The following BIRC5 variants were observed in gnomAD, a reference collection of about 807,000 sequenced individuals.
BIRC5 encodes baculoviral IAP repeat-containing protein 5.
In BIRC5, 8 loss-of-function variants were observed where a neutral mutation model predicts 15.8. The ratio of observed to expected loss-of-function variants is 0.51; its 90% CI spans 0.30 to 0.91. BIRC5 has a LOEUF of 0.91. BIRC5 is among the 40% of genes least tolerant of loss of function. The pLI is 0.07. For missense variants in BIRC5, 163 were observed against 178.6 expected, an observed-to-expected ratio of 0.91 and a Z score of 0.50; for synonymous variants, 56 against 64.5, an observed-to-expected ratio of 0.87 and a Z score of 0.63.
intron 3 of BIRC5, among the ~76,000 whole-genome samples, chr17:78,217,320 C>G (rs775598016): frequency 2.7e-5 from 4 of 149,104 alleles, no homozygotes; most frequent in Admixed American, 6.7e-5. Flanking sequence ...AGATTACAGG[C>G]ATGTGCCACC....
intron 2 of BIRC5, chr17:78,215,945 C>T: frequency 9.4e-7 from 1 of 1,066,200 alleles, no homozygotes; most frequent in African/African-American, 1.7e-5. Flanking sequence ...TAATGCCCTT[C>T]TCTGCCCTTA....
At chr17:78,222,071 C>T (rs1353266145) in intron 3 of BIRC5, among the ~76,000 whole-genome samples, 5 of 151,970 alleles carry the variant, frequency 3.3e-5, no homozygotes, top group East Asian at 3.9e-4. Context: ...CATGGTGGCA[C>T]GTGCCTGTAG....
At chr17:78,217,538 C>T (rs1344469591) in intron 3 of BIRC5, among the ~76,000 whole-genome samples, 4 of 151,596 alleles carry the variant, frequency 2.6e-5, no homozygotes, top group Non-Finnish European at 5.9e-5. Flanking sequence ...GCTCTGTCGC[C>T]CAGGCTAGAG....
intron 2 of BIRC5, chr17:78,215,865 T>G: frequency 1.9e-6 from 2 of 1,061,800 alleles, no homozygotes; most frequent in African/African-American, 3.4e-5. Flanking sequence ...GATAGTCAGT[T>G]ATACAGGGAG....
chr17:78,224,092 T>C lies in BIRC5; in HGVS notation c.*538T>C, dbSNP rs1274849133. Reference sequence around the variant, plus strand: ...TTTTTTTTTTTGGTAGATGCATGACTTGTGTGTGATGAGAGAATGGAGACA... The same window carrying C: ...TTTTTTTTTTTGGTAGATGCATGACCTGTGTGTGATGAGAGAATGGAGACA... On this transcript the variant is annotated 3_prime_UTR_variant, in exon 4 of 4. Transcript: ENST00000350051. The C allele has an allele frequency of 1.3e-5, 2 of 152,068 alleles. No homozygotes were observed. The highest frequency in any genetic ancestry group is 2.9e-5 in the Non-Finnish European group (2 of 68,654). The allele number at this position is 152,068 out of a possible 1,614,324, so 9.4% of individuals were successfully genotyped here.
At chr17:78,218,097 C>T (rs1333492653) in intron 3 of BIRC5, among the ~76,000 whole-genome samples, 1 of 151,746 alleles carries the variant, frequency 6.6e-6, no homozygotes, top group Non-Finnish European at 1.5e-5. Flanking sequence ...AGGCATGAGC[C>T]ACCGTGCCCA....
intron 3 of BIRC5, among the ~76,000 whole-genome samples, chr17:78,220,083 G>A (rs1474948032): frequency 6.6e-6 from 1 of 150,716 alleles, no homozygotes; most frequent in African/African-American, 2.4e-5. Flanking sequence ...GGATGAAGAT[G>A]CAGTCTGGTA....
In BIRC5 at chr17:78,223,980, G is replaced by T; in HGVS notation, c.*426G>T. On this transcript the variant is annotated 3_prime_UTR_variant, in exon 4 of 4. Coordinates refer to ENST00000350051, the MANE Select transcript of BIRC5 (RefSeq NM_001168.3). ...AGTCCTGAGTGTGGACTTGGCAGGT[G>T]CCTGTTGAATCTGAGCTGCAGGTTC... 1 of 197,718 alleles carries T rather than the reference G, an allele frequency of 5.1e-6. No individual in the cohort carries two copies. The highest frequency in any genetic ancestry group is 1.0e-5 in the Non-Finnish European group (1 of 98,332). 12.2% of individuals were successfully genotyped at this position (197,718 alleles called of 1,614,324 possible). A position where few individuals can be genotyped will look rare whatever the true frequency, so the allele number is the denominator to read the frequency against.
Position 78,223,597 on chromosome 17 carries a change from C to T in BIRC5, c.*43C>T, listed in dbSNP as rs758031351. The T allele has an allele frequency of 2.2e-5, 35 of 1,612,434 alleles. No homozygotes were observed. The highest frequency in any genetic ancestry group is 3.0e-5 in the Non-Finnish European group (35 of 1,179,148). On this transcript the variant is annotated 3_prime_UTR_variant, in exon 4 of 4. Transcript: ENST00000350051. ...GCCTGGTCCCAGAGTGGCTGCACCA[C>T]TTCCAGGGTTTATTCCCTGGTGCCA...
At chr17:78,217,641 C>T (rs17878481) in intron 3 of BIRC5, among the ~76,000 whole-genome samples, 28 of 152,010 alleles carry the variant, frequency 1.8e-4, no homozygotes, top group East Asian at 7.7e-4. Flanking sequence ...GGACTACAGG[C>T]GCCCGCCACC....
chr17:78,215,344 G>A (rs545856098), intron 2 of BIRC5, among the ~76,000 whole-genome samples: 4 of 152,158 alleles, frequency 2.6e-5, no homozygotes. Context: ...TTGAACCTGG[G>A]AGGCGGAGGT....
chr17:78,220,455 A>G (rs995254328), intron 3 of BIRC5, among the ~76,000 whole-genome samples: 1 of 150,962 alleles, frequency 6.6e-6, no homozygotes, highest in African/African-American at 2.4e-5. Context: ...GTAGGCTTTC[A>G]TGATGTGTGA....
At position 78,223,701 on chromosome 17, in the gene BIRC5, C is replaced by A; in HGVS notation, c.*147C>A. ...TCAAATTAGATGTTTCAACTGTGCT[C>A]TTGTTTTGTCTTGAAAGTGGCACCA... On this transcript the variant is annotated 3_prime_UTR_variant, in exon 4 of 4. Transcript: ENST00000350051. The A allele has an allele frequency of 6.9e-7, 1 of 1,453,120 alleles. No homozygotes were observed. Among genetic ancestry groups the A allele is most frequent in the South Asian group, 1.5e-5 (1 of 68,062 alleles). The allele number at this position is 1,453,120 out of a possible 1,614,324, so 90.0% of individuals were successfully genotyped here.
At position 78,223,535 on chromosome 17, in the gene BIRC5, A is replaced by C; in HGVS notation, c.410A>C (p.Gln137Pro). Residue 137 changes from glutamine to proline, a missense_variant, in exon 4 of 4, where the codon CAG becomes CCG. Gln to Pro is a moderately conservative substitution (Grantham distance 76, BLOSUM62 -1). Coordinates refer to ENST00000350051, the MANE Select transcript of BIRC5 (RefSeq NM_001168.3). ...TAEKVRRAIE[Q>P]LAAMD ...GAGAAAGTGCGCCGTGCCATCGAGC[A>C]GCTGGCTGCCATGGATTGAGGCCTC... 3.1e-6 allele frequency: 5 copies of C among 1,613,578 alleles called. No homozygotes were observed. Among genetic ancestry groups the C allele is most frequent in the Non-Finnish European group, 4.2e-6 (5 of 1,179,728 alleles).
At position 78,214,670 on chromosome 17, in the gene BIRC5, T is replaced by C. The variant is rs751043509; in HGVS notation, c.112-10T>C. The stretch of plus-strand genomic sequence containing the variant: ...CCACGTCCACTCACGAGCTGTGCTG[T>C]CCCTTGCAGATGGCCGAGGCTGGCT... On this transcript the variant is annotated splice_polypyrimidine_tract_variant and intron_variant, in intron 1 of 3. Coordinates refer to ENST00000350051, the MANE Select transcript of BIRC5 (RefSeq NM_001168.3). The C allele has an allele frequency of 5.0e-5, 80 of 1,593,970 alleles. No individual in the cohort carries two copies. The highest frequency in any genetic ancestry group is 6.5e-5 in the Non-Finnish European group (76 of 1,171,538).
chr17:78,214,501 C>A (rs554483754), intron 1 of BIRC5, 74 bp downstream of exon 1: 33 of 1,393,646 alleles, frequency 2.4e-5, no homozygotes, highest in Non-Finnish European at 3.1e-5. Context: ...TGTGACTGGG[C>A]CTCGGGGGTA....
At chr17:78,215,222 G>A (rs1456742064) in intron 2 of BIRC5, 1 of 157,184 alleles carries the variant, frequency 6.4e-6, no homozygotes, top group South Asian at 1.7e-4. Flanking sequence ...TTCAAGACCT[G>A]CCTGGCCAAC....
intron 3 of BIRC5, among the ~76,000 whole-genome samples, chr17:78,219,918 T>C (rs1465858566): frequency 1.3e-5 from 2 of 152,088 alleles, no homozygotes; most frequent in Non-Finnish European, 2.9e-5. Flanking sequence ...AGAGTGGATG[T>C]GGAGGTGTGA....
At chr17:78,217,362 G>A (rs1312992785) in intron 3 of BIRC5, among the ~76,000 whole-genome samples, 1 of 151,730 alleles carries the variant, frequency 6.6e-6, no homozygotes, top group Admixed American at 6.6e-5. Flanking sequence ...TTTTGGTAGA[G>A]ACGAGGTTTC....
Sources: gnomAD v4.1 joint callset for allele counts (sites outside exome capture counted in the v4.1 genomes callset) on GRCh38, gnomAD v4.1.1 for gene constraint, MANE v1.5 for transcripts, NCBI Gene and HGNC (gene_info 2026-07-23, HGNC 2026-07-21) for gene names.